The following AGBL1 variants were observed in gnomAD, a reference collection of about 807,000 sequenced individuals.
AGBL1 encodes the protein cytosolic carboxypeptidase 4.
Under a neutral mutation model 118.9 loss-of-function variants are expected in AGBL1, and 130 were observed. That is an observed-to-expected ratio of 1.09 (90% CI 0.95 to 1.26). The LOEUF (loss-of-function observed/expected upper bound fraction) is 1.26. Ranked by LOEUF, AGBL1 falls within the 50% of genes most tolerant of loss-of-function variation. The pLI, the probability that AGBL1 is intolerant of heterozygous loss-of-function variation, is 0.00. For missense variants in AGBL1, 1,584 were observed against 1,298.1 expected, an observed-to-expected ratio of 1.22 and a Z score of -3.38; for synonymous variants, 555 against 478.9, an observed-to-expected ratio of 1.16 and a Z score of -2.08.
At chr15:86,758,148 C>T (rs781661353) in intron 22 of AGBL1, among the ~76,000 whole-genome samples, 11 of 152,062 alleles carry the variant, frequency 7.2e-5, no homozygotes, top group Non-Finnish European at 1.3e-4. Flanking sequence ...CAAAGCCCAC[C>T]ATGTCCACTC....
intron 5 of AGBL1, among the ~76,000 whole-genome samples, chr15:86,176,101 T>C (rs1235044937): frequency 2.0e-5 from 3 of 152,224 alleles, no homozygotes; most frequent in African/African-American, 7.2e-5. Flanking sequence ...CCAACTATTA[T>C]TGAATTGGAG....
chr15:87,013,893 C>T (rs1490382553), intron 24 of AGBL1, among the ~76,000 whole-genome samples: 1 of 152,132 alleles, frequency 6.6e-6, no homozygotes, highest in African/African-American at 2.4e-5. Context: ...AACATAGACA[C>T]ACTTGATTTG....
Position 86,760,284 on chromosome 15 carries a change from G to C in AGBL1, c.3158+85848G>C, listed in dbSNP as rs531423210. Among the ~76,000 whole-genome samples the C allele has an allele frequency of 2.6e-5, 4 of 152,142 alleles. No homozygotes were observed. In the East Asian group the frequency reaches 7.8e-4, roughly 30 times the overall value. On this transcript the variant is annotated intron_variant, in intron 22 of 22. Coordinates refer to ENST00000614907, the MANE Select transcript of AGBL1 (RefSeq NM_001386094.1). The stretch of plus-strand genomic sequence containing the variant: ...AAAACTGCAGGAACTGTACGTTAGG[G>C]TGTCTTCCATAAATCAGCCTTGGGG...
At chr15:86,852,658 A>T (rs982276842) in intron 22 of AGBL1, among the ~76,000 whole-genome samples, 2 of 152,016 alleles carry the variant, frequency 1.3e-5, no homozygotes, top group Non-Finnish European at 2.9e-5. Context: ...GGCTTTTTTC[A>T]CTGAGCAGGC....
intron 22 of AGBL1, among the ~76,000 whole-genome samples, chr15:86,785,970 G>C (rs2078406314): frequency 2.0e-5 from 3 of 152,108 alleles, no homozygotes; most frequent in Admixed American, 2.0e-4. Context: ...GTTAGTGCTG[G>C]TGACATAGGA....
At chr15:86,575,179 ACT>A (rs2084071400) in intron 21 of AGBL1, among the ~76,000 whole-genome samples, 1 of 150,544 alleles carries the variant, frequency 6.6e-6, no homozygotes, top group Admixed American at 6.6e-5. Context: ...ACAGAGGGAG[ACT>A]CTGTCTCAAA....
intron 23 of AGBL1, among the ~76,000 whole-genome samples, chr15:86,960,899 A>G (rs2080986070): frequency 6.6e-6 from 1 of 152,056 alleles, no homozygotes; most frequent in Non-Finnish European, 1.5e-5. Context: ...TCATAGGAAC[A>G]TGGGATAGAA....
Position 86,399,364 on chromosome 15 carries a change from C to A in AGBL1, c.2555+1818C>A, listed in dbSNP as rs1391338209. On this transcript the variant is annotated intron_variant, in intron 18 of 22. Coordinates refer to ENST00000614907, the MANE Select transcript of AGBL1 (RefSeq NM_001386094.1). Reference sequence around the variant, plus strand: ...GATGGAAAACAGTTATGCAAGGCATCTTGAGGGACATGATCCCATTTTGAC... The same window carrying A: ...GATGGAAAACAGTTATGCAAGGCATATTGAGGGACATGATCCCATTTTGAC... Among the ~76,000 whole-genome samples the A allele has an allele frequency of 6.6e-5, 10 of 152,150 alleles. 1 individual carries two copies. Among genetic ancestry groups the A allele is most frequent in the Admixed American group, 5.9e-4 (9 of 15,266 alleles).
At chr15:86,761,618 T>G (rs2078025408) in intron 22 of AGBL1, among the ~76,000 whole-genome samples, 1 of 152,080 alleles carries the variant, frequency 6.6e-6, no homozygotes, top group Admixed American at 6.6e-5. Flanking sequence ...CAATGAAATT[T>G]GGCATATAAA....
chr15:86,857,752 G>A (rs1297089699), intron 22 of AGBL1, among the ~76,000 whole-genome samples: 1 of 152,110 alleles, frequency 6.6e-6, no homozygotes, highest in Non-Finnish European at 1.5e-5. Context: ...TCATTTACCA[G>A]GACATCCCTG....
intron 17 of AGBL1, among the ~76,000 whole-genome samples, chr15:86,326,672 G>T (rs531004419): frequency 1.3e-5 from 2 of 152,138 alleles, no homozygotes; most frequent in Non-Finnish European, 2.9e-5. Flanking sequence ...GGTATATGTT[G>T]CTTGTTGTTG....
At chr15:86,873,935 G>A (rs866283259) in intron 22 of AGBL1, among the ~76,000 whole-genome samples, 1 of 152,222 alleles carries the variant, frequency 6.6e-6, no homozygotes, top group Non-Finnish European at 1.5e-5. Context: ...AAAGAACAGT[G>A]GACTTGGAGG....
At chr15:86,517,703 T>C (rs147740182) in intron 18 of AGBL1, among the ~76,000 whole-genome samples, 91 of 152,316 alleles carry the variant, frequency 6.0e-4, no homozygotes, top group African/African-American at 2.0e-3. Flanking sequence ...TGACAAAAAA[T>C]ATCCTGAACA....
chr15:86,576,853 T>A (rs893110981), intron 21 of AGBL1, among the ~76,000 whole-genome samples: 1 of 152,218 alleles, frequency 6.6e-6, no homozygotes, highest in Admixed American at 6.5e-5. Context: ...ATGACATGAC[T>A]TGCTGCTCCT....
intron 5 of AGBL1, among the ~76,000 whole-genome samples, chr15:86,215,499 T>A (rs1037211441): frequency 6.6e-6 from 1 of 152,116 alleles, no homozygotes; most frequent in African/African-American, 2.4e-5. Context: ...TCTTCCTTCT[T>A]TCTGAAATCT....
chr15:86,110,203 A>G (rs1897281594), intron 1 of AGBL1, among the ~76,000 whole-genome samples: 1 of 152,158 alleles, frequency 6.6e-6, no homozygotes, highest in South Asian at 2.1e-4. Context: ...TTGACCCTTA[A>G]ACAACGTTGG....
intron 22 of AGBL1, among the ~76,000 whole-genome samples, chr15:86,679,774 T>G (rs1035243258): frequency 4.6e-5 from 7 of 152,156 alleles, no homozygotes; most frequent in Non-Finnish European, 8.8e-5. Flanking sequence ...GATGATTAAT[T>G]TTATCAAAAG....
intron 21 of AGBL1, among the ~76,000 whole-genome samples, chr15:86,595,824 G>A (rs559060880): frequency 4.5e-4 from 69 of 152,134 alleles, no homozygotes; most frequent in African/African-American, 1.6e-3. Context: ...TGATGGGCAG[G>A]GGGCAAGGGA....
chr15:86,193,288 G>A (rs2077751456), intron 5 of AGBL1, among the ~76,000 whole-genome samples: 1 of 152,090 alleles, frequency 6.6e-6, no homozygotes, highest in African/African-American at 2.4e-5. Context: ...AAATGCTAAT[G>A]GACTTGATAG....
Sources: allele counts gnomAD v4.1 joint callset (sites outside exome capture counted in the v4.1 genomes callset), GRCh38; gene constraint gnomAD v4.1.1; transcripts MANE v1.5; gene names NCBI Gene and HGNC (gene_info 2026-07-23, HGNC 2026-07-21).